Variants in RAB5A observed in about 807,000 individuals in gnomAD.
RAB5A encodes RAB5A, member RAS oncogene family.
RAB5A carries 8 observed loss-of-function variants against 25.7 expected under a neutral mutation model. That is an observed-to-expected ratio of 0.31 (90% CI 0.18 to 0.56). The LOEUF is 0.56. Among genes scored for constraint, RAB5A ranks in the 20% least tolerant of loss-of-function variants. RAB5A has a pLI of 0.91. For missense variants in RAB5A, 192 were observed against 259.7 expected (o/e 0.74, Z 1.79); for synonymous variants, 98 against 89.8 (o/e 1.09, Z -0.52).
intron 2 of RAB5A, among the ~76,000 whole-genome samples, chr3:19,952,983 G>A (rs4858660): frequency 0.55 from 83,137 of 151,780 alleles, 23,175 homozygotes; most frequent in Non-Finnish European, 0.58. Context: ...CAAAGTATAT[G>A]TGCATTCTGG....
rs1696417902 is a variant in RAB5A at position 19,951,243 on chromosome 3, TTTGA to T, written c.163+186_163+189del. 1.2e-5 allele frequency: 7 copies of T among 595,476 alleles called. 1 individual carries two copies. The highest frequency in any genetic ancestry group is 2.9e-5 in the East Asian group (1 of 34,024). The allele number at this position is 595,476 out of a possible 1,614,324, so 36.9% of individuals were successfully genotyped here. On this transcript the variant is annotated intron_variant, in intron 2 of 5. Coordinates refer to ENST00000273047, the MANE Select transcript of RAB5A (RefSeq NM_004162.5). ...TTTGTTAAAATGATGTGTTTTTATA[TTTGA>T]TTGTTTGGTTAATCCCTTGTGGTTA... is the stretch of plus-strand genomic sequence containing the variant.
chr3:19,949,962 C>T (rs1374240670), intron 1 of RAB5A, among the ~76,000 whole-genome samples: 1 of 152,146 alleles, frequency 6.6e-6, no homozygotes, highest in Non-Finnish European at 1.5e-5. Flanking sequence ...TGCTTGAGCC[C>T]AGGAGGTCTA....
At chr3:19,981,641 CA>C (rs1393463512) in intron 5 of RAB5A, among the ~76,000 whole-genome samples, 1 of 151,544 alleles carries the variant, frequency 6.6e-6, no homozygotes, top group Non-Finnish European at 1.5e-5. Flanking sequence ...AAATCAAAAA[CA>C]TACAACTTAG....
At chr3:19,978,449 G>T (rs759311762) in intron 5 of RAB5A, 46 bp downstream of exon 5, 2 of 1,407,244 alleles carry the variant, frequency 1.4e-6, no homozygotes, top group Non-Finnish European at 2.0e-6. Context: ...AGCAAAACAA[G>T]TGTGAAGCAT....
intron 2 of RAB5A, among the ~76,000 whole-genome samples, chr3:19,963,379 G>GCCC (rs58285458): frequency 4.5e-5 from 1 of 22,148 alleles, no homozygotes; most frequent in African/African-American, 1.8e-4. Context: ...CCCCCCCCCC[G>GCCC]ACTTATTTTC....
At chr3:19,971,462 G>A (rs1289410577) in intron 2 of RAB5A, among the ~76,000 whole-genome samples, 1 of 151,702 alleles carries the variant, frequency 6.6e-6, no homozygotes, top group African/African-American at 2.4e-5. Context: ...GTACGGTGGT[G>A]GTGGTGGTGG....
chr3:19,947,495 C>A lies in RAB5A; in HGVS notation c.-120C>A. 1 of 153,082 alleles carries A rather than the reference C, an allele frequency of 6.5e-6. No homozygotes were observed. The highest frequency in any genetic ancestry group is 1.9e-4 in the South Asian group (1 of 5,220). The allele number at this position is 153,082 out of a possible 1,614,324, so 9.5% of individuals were successfully genotyped here. Reference sequence around the variant, plus strand: ...GCCTTGCTGCCAGGAAGCTTCGGCCCCGCAGCTCGGCTTGCTGCGGTCTCA... The same window carrying A: ...GCCTTGCTGCCAGGAAGCTTCGGCCACGCAGCTCGGCTTGCTGCGGTCTCA... On this transcript the variant is annotated 5_prime_UTR_variant, in exon 1 of 6. Coordinates refer to ENST00000273047, the MANE Select transcript of RAB5A (RefSeq NM_004162.5).
chr3:19,960,266 A>G (rs1355161629), intron 2 of RAB5A, among the ~76,000 whole-genome samples: 1 of 152,132 alleles, frequency 6.6e-6, no homozygotes, highest in Non-Finnish European at 1.5e-5. Flanking sequence ...AAGGAGAATA[A>G]AGATGTGTGA....
intron 2 of RAB5A, among the ~76,000 whole-genome samples, chr3:19,963,376 C>CA (rs1196314530): frequency 5.8e-5 from 5 of 86,794 alleles, no homozygotes; most frequent in African/African-American, 2.0e-4. Context: ...CCCCCCCCCC[C>CA]CCGACTTATT....
chr3:19,951,587 C>T (rs1004026544), intron 2 of RAB5A, among the ~76,000 whole-genome samples: 1 of 151,844 alleles, frequency 6.6e-6, no homozygotes, highest in Non-Finnish European at 1.5e-5. Context: ...GTGCAGTGTC[C>T]GGATCATAGC....
chr3:19,978,440 G>T (rs776897113), intron 5 of RAB5A, 37 bp downstream of exon 5: 1 of 1,460,134 alleles, frequency 6.8e-7, no homozygotes, highest in Admixed American at 1.9e-5. Context: ...ATCAATATAA[G>T]CAAAACAAGT....
At position 19,984,107 on chromosome 3, in the gene RAB5A, A is replaced by C. The variant is rs1386438617; in HGVS notation, c.*284A>C. The C allele has an allele frequency of 2.7e-5, 11 of 410,542 alleles. No individual in the cohort carries two copies. Among genetic ancestry groups the C allele is most frequent in the African/African-American group, 6.3e-5 (3 of 47,760 alleles). 25.4% of individuals were successfully genotyped at this position (410,542 alleles called of 1,614,324 possible). On this transcript the variant is annotated 3_prime_UTR_variant, in exon 6 of 6. Coordinates refer to ENST00000273047, the MANE Select transcript of RAB5A (RefSeq NM_004162.5). ...ATTTCTCATCACTAGGAATATAGAC[A>C]AATGACTGTCTGGGCCCACACAGTT...
At chr3:19,963,364 A>AACCCCCCCCC (rs1696615859) in intron 2 of RAB5A, among the ~76,000 whole-genome samples, 1 of 60,960 alleles carries the variant, frequency 1.6e-5, no homozygotes, top group African/African-American at 6.9e-5. Flanking sequence ...TTAGAATTTC[A>AACCCCCCCCC]CCCCCCCCCC....
chr3:19,978,185 T>G, intron 4 of RAB5A, 125 bp from the exon 5 acceptor site: 1 of 715,938 alleles, frequency 1.4e-6, no homozygotes, highest in Non-Finnish European at 2.5e-6. Context: ...TTGTTGATTA[T>G]AGATGATTAT....
At chr3:19,979,285 T>A (rs755949040) in intron 5 of RAB5A, among the ~76,000 whole-genome samples, 16 of 148,180 alleles carry the variant, frequency 1.1e-4, no homozygotes, top group Non-Finnish European at 2.1e-4. Context: ...TAAGGTACTT[T>A]CTTTTTTTTT....
At chr3:19,950,136 A>T (rs993965430) in intron 1 of RAB5A, among the ~76,000 whole-genome samples, 3 of 152,234 alleles carry the variant, frequency 2.0e-5, no homozygotes, top group Non-Finnish European at 4.4e-5. Context: ...TAATCACCAC[A>T]TGGAGAACAA....
chr3:19,972,106 T>C (rs1345758450), intron 2 of RAB5A, among the ~76,000 whole-genome samples: 2 of 152,346 alleles, frequency 1.3e-5, no homozygotes, highest in South Asian at 4.1e-4. Context: ...GTGAACAATT[T>C]CCACACTTAA....
At chr3:19,978,282 T>C in intron 4 of RAB5A, 28 bp from the exon 5 acceptor site, 1 of 1,441,974 alleles carries the variant, frequency 6.9e-7, no homozygotes. Context: ...ATATATCTCA[T>C]ATATCTCATT....
At chr3:19,982,871 A>C (rs1246387292) in intron 5 of RAB5A, among the ~76,000 whole-genome samples, 1 of 152,174 alleles carries the variant, frequency 6.6e-6, no homozygotes, top group Non-Finnish European at 1.5e-5. Context: ...GGTGATAATT[A>C]GTTGCACAGT....
Sources: gnomAD v4.1 joint callset for allele counts (sites outside exome capture counted in the v4.1 genomes callset) on GRCh38, gnomAD v4.1.1 for gene constraint, MANE v1.5 for transcripts, NCBI Gene and HGNC (gene_info 2026-07-23, HGNC 2026-07-21) for gene names.